PTPRO: variants seen among roughly 807,000 people sequenced by gnomAD.
PTPRO encodes the protein protein tyrosine phosphatase receptor type O, also known as receptor-type tyrosine-protein phosphatase O.
A neutral mutation model predicts 145.2 loss-of-function variants in PTPRO; 62 were observed. The ratio of observed to expected loss-of-function variants is 0.43; its 90% CI spans 0.35 to 0.53. PTPRO has a LOEUF of 0.53. Ranked by LOEUF, PTPRO falls within the 20% of genes least tolerant of loss-of-function variation. PTPRO has a pLI of 0.01. For missense variants in PTPRO, 1,345 were observed against 1,482.7 expected (o/e 0.91, Z 1.53); for synonymous variants, 565 against 514.7 (o/e 1.10, Z -1.32).
intron 7 of PTPRO, among the ~76,000 whole-genome samples, chr12:15,510,517 G>C (rs1942415763): frequency 6.6e-6 from 1 of 152,144 alleles, no homozygotes; most frequent in East Asian, 1.9e-4. Flanking sequence ...GCTAAAGGTA[G>C]AGATAGATAT....
At chr12:15,398,927 A>G (rs1939417796) in intron 1 of PTPRO, among the ~76,000 whole-genome samples, 1 of 152,148 alleles carries the variant, frequency 6.6e-6, no homozygotes, top group Non-Finnish European at 1.5e-5. Context: ...TTTAAACATC[A>G]GAGCTGCTCC....
rs936973333 is a variant in PTPRO, at chr12:15,515,210, G to A, written c.1465-288G>A. On this transcript the variant is annotated intron_variant, in intron 7 of 26. Transcript: ENST00000281171. Reference sequence around the variant, plus strand: ...CTCATGGTATTGCTGATTTGATTATGGTTAGAGGCTGATGTGTCTCTAGTG... The same window carrying A: ...CTCATGGTATTGCTGATTTGATTATAGTTAGAGGCTGATGTGTCTCTAGTG... 4.6e-5 allele frequency among the ~76,000 whole-genome samples: 7 copies of A among 152,220 alleles called. 1 individual carries two copies. In the South Asian group the frequency reaches 1.5e-3, roughly 32 times the overall value.
chr12:15,467,264 C>A (rs1294118721), intron 1 of PTPRO, among the ~76,000 whole-genome samples: 1 of 152,050 alleles, frequency 6.6e-6, no homozygotes, highest in Non-Finnish European at 1.5e-5. Context: ...TCCGTGTATC[C>A]CATCACCTAC....
At chr12:15,363,145 A>G (rs1269682302) in intron 1 of PTPRO, among the ~76,000 whole-genome samples, 1 of 152,206 alleles carries the variant, frequency 6.6e-6, no homozygotes, top group Non-Finnish European at 1.5e-5. Context: ...CTCTCTTAAC[A>G]AAACAAACCA....
chr12:15,392,209 A>G (rs7135743), intron 1 of PTPRO, among the ~76,000 whole-genome samples: 40,630 of 152,140 alleles, frequency 0.27, 5,904 homozygotes, highest in African/African-American at 0.37. Flanking sequence ...GACAATAATG[A>G]TATTAGCAGT....
intron 1 of PTPRO, among the ~76,000 whole-genome samples, chr12:15,433,171 CTTT>C (rs55746632): frequency 0.031 from 3,181 of 103,636 alleles, 41 homozygotes; most frequent in Non-Finnish European, 0.043. Flanking sequence ...CAGTTTGGGG[CTTT>C]TTTTTTTTTT....
chr12:15,358,649 C>T (rs1938075290), intron 1 of PTPRO, among the ~76,000 whole-genome samples: 1 of 152,206 alleles, frequency 6.6e-6, no homozygotes, highest in Non-Finnish European at 1.5e-5. Context: ...TGTCCAAGAT[C>T]TCACAGTAGC....
At chr12:15,525,219 T>C (rs1472837318) in intron 11 of PTPRO, among the ~76,000 whole-genome samples, 1 of 152,228 alleles carries the variant, frequency 6.6e-6, no homozygotes, top group Non-Finnish European at 1.5e-5. Context: ...TTGAGCTTTT[T>C]CTTCAGGATG....
chr12:15,528,202 G>C (rs1942882025), intron 12 of PTPRO, among the ~76,000 whole-genome samples: 1 of 151,638 alleles, frequency 6.6e-6, no homozygotes, highest in Non-Finnish European at 1.5e-5. Context: ...CTGAAAGTAA[G>C]TGAAGTCTGA....
At chr12:15,534,244 G>A (rs941922572) in intron 12 of PTPRO, among the ~76,000 whole-genome samples, 2 of 151,714 alleles carry the variant, frequency 1.3e-5, no homozygotes, top group Admixed American at 1.3e-4. Flanking sequence ...ACTTTAAGAG[G>A]ACATGTTAAG....
At chr12:15,517,917 G>A (rs774780492) in intron 9 of PTPRO, among the ~76,000 whole-genome samples, 1 of 152,164 alleles carries the variant, frequency 6.6e-6, no homozygotes, top group Non-Finnish European at 1.5e-5. Context: ...AGCTGTCAGT[G>A]GATCTACCAT....
chr12:15,533,990 G>A (rs1448407256), intron 12 of PTPRO, among the ~76,000 whole-genome samples: 1 of 152,132 alleles, frequency 6.6e-6, no homozygotes, highest in Non-Finnish European at 1.5e-5. Flanking sequence ...TGTGTCATGT[G>A]CAAGGGTAGA....
At chr12:15,590,470 A>C (rs1327448704) in intron 25 of PTPRO, among the ~76,000 whole-genome samples, 1 of 152,102 alleles carries the variant, frequency 6.6e-6, no homozygotes, top group African/African-American at 2.4e-5. Flanking sequence ...CCCGACCTGT[A>C]ATCAGGGTAT....
At chr12:15,502,460 G>C (rs984755024) in intron 5 of PTPRO, among the ~76,000 whole-genome samples, 1 of 152,078 alleles carries the variant, frequency 6.6e-6, no homozygotes, top group African/African-American at 2.4e-5. Context: ...TTTAAACATG[G>C]CAGCAAAGTA....
chr12:15,557,036 T>TTC (rs1943647425), intron 15 of PTPRO, among the ~76,000 whole-genome samples: 1 of 151,002 alleles, frequency 6.6e-6, no homozygotes, highest in Non-Finnish European at 1.5e-5. Context: ...TATTTTGTTT[T>TTC]TTTTTTTTTT....
In PTPRO at chr12:15,386,507, A is replaced by G. The variant is rs573148884; in HGVS notation, c.75+63706A>G. Among the ~76,000 whole-genome samples the G allele has an allele frequency of 2.6e-4, 40 of 152,270 alleles. 1 individual carries two copies. In the South Asian group the frequency reaches 7.9e-3, roughly 30 times the overall value. On this transcript the variant is annotated intron_variant, in intron 1 of 26. Coordinates refer to ENST00000281171, the MANE Select transcript of PTPRO (RefSeq NM_030667.3). ...ACCTGAAGTATATTTATTGATATAT[A>G]TATTACCTTATATGTATGCATGTGT... is the stretch of plus-strand genomic sequence containing the variant.
chr12:15,425,507 T>C (rs1483083455), intron 1 of PTPRO, among the ~76,000 whole-genome samples: 3 of 152,164 alleles, frequency 2.0e-5, no homozygotes. Context: ...ACCTGTATTT[T>C]ATATCTTATT....
chr12:15,327,358 T>C (rs967266562), intron 1 of PTPRO, among the ~76,000 whole-genome samples: 1 of 152,222 alleles, frequency 6.6e-6, no homozygotes, highest in Non-Finnish European at 1.5e-5. Context: ...TTTTTTAACC[T>C]GTATGGGTGA....
chr12:15,581,720 AG>A lies in PTPRO; in HGVS notation c.3175del (p.Ala1059ProfsTer9). The stretch of plus-strand genomic sequence containing the variant: ...ACTGGCCATTCACGGAAGAACCTAT[AG>A]CCTATGGAGACATCACTGTGGAGAT... ...HYWPFTEEPIAYGDITVEMIS... is the reference protein window; with the variant it reads ...HYWPFTEEPIXYGDITVEMIS... On this transcript the variant is annotated frameshift_variant, in exon 23 of 27. Transcript: ENST00000281171. LOFTEE classifies it high-confidence loss of function. 1.2e-6 allele frequency: 2 copies of A among 1,614,010 alleles called. No homozygotes were observed. Among genetic ancestry groups the A allele is most frequent in the Non-Finnish European group, 8.5e-7 (1 of 1,179,902 alleles).
Sources: allele counts gnomAD v4.1 joint callset (sites outside exome capture counted in the v4.1 genomes callset), GRCh38; gene constraint gnomAD v4.1.1; transcripts MANE v1.5; gene names NCBI Gene and HGNC (gene_info 2026-07-23, HGNC 2026-07-21).